Variants in GFPT2 observed in about 807,000 individuals in gnomAD.
The protein encoded by GFPT2 is glutamine--fructose-6-phosphate transaminase 2, also known as glutamine--fructose-6-phosphate aminotransferase [isomerizing] 2.
Under a neutral mutation model 85.6 loss-of-function variants are expected in GFPT2, and 62 were observed. The observed-to-expected ratio is 0.72, with a 90% confidence interval of 0.59 to 0.90. GFPT2 has a LOEUF of 0.90. Ranked by LOEUF, GFPT2 falls within the 40% of genes least tolerant of loss-of-function variation. The probability of loss-of-function intolerance (pLI) is 0.00; values close to 1 mark genes in which losing one functional copy is unlikely to be tolerated. For synonymous variants in GFPT2, 368 were observed against 344.5 expected (o/e 1.07, Z -0.75); for missense variants, 788 against 893.4 (o/e 0.88, Z 1.50).
At chr5:180,351,664 G>A (rs921492487) in intron 1 of GFPT2, among the ~76,000 whole-genome samples, 5 of 152,196 alleles carry the variant, frequency 3.3e-5, no homozygotes, top group African/African-American at 1.2e-4. Flanking sequence ...GAGACAACGC[G>A]TGTGTGTCCC....
intron 1 of GFPT2, among the ~76,000 whole-genome samples, chr5:180,341,003 G>C (rs1188899305): frequency 2.0e-5 from 3 of 152,130 alleles, no homozygotes; most frequent in Non-Finnish European, 4.4e-5. Context: ...CTGTGGGCCG[G>C]GCACTGGGCC....
intron 13 of GFPT2, among the ~76,000 whole-genome samples, chr5:180,315,233 A>T (rs191978034): frequency 0.014 from 2,125 of 150,052 alleles, 59 homozygotes; most frequent in African/African-American, 0.049. Context: ...GCTGGAGTGC[A>T]GTGGCGCGAT....
chr5:180,339,178 G>A (rs937965318), intron 1 of GFPT2, among the ~76,000 whole-genome samples: 3 of 152,030 alleles, frequency 2.0e-5, no homozygotes, highest in African/African-American at 7.2e-5. Context: ...TCAGGAGTTC[G>A]AGACCAGCCT....
chr5:180,319,007 A>T, intron 9 of GFPT2, 51 bp from the exon 10 acceptor site: 1 of 1,570,056 alleles, frequency 6.4e-7, no homozygotes, highest in South Asian at 1.1e-5. Context: ...AGCAGTTACG[A>T]GGCAGCAGCC....
intron 1 of GFPT2, among the ~76,000 whole-genome samples, chr5:180,349,179 T>C (rs1015724713): frequency 4.0e-5 from 6 of 151,170 alleles, no homozygotes; most frequent in African/African-American, 1.2e-4. Context: ...CAGTGGCTCA[T>C]GCCTGTAATC....
At position 180,330,248 on chromosome 5, in the gene GFPT2, G is replaced by A. The variant is rs932751648; in HGVS notation, c.534+452C>T. Reference sequence around the variant, plus strand: ...GAGGCAGGAGGACTGCCTGAACCTGGGAGGTGGAGGTTGCAGTGAGCCAAG... The same window carrying A: ...GAGGCAGGAGGACTGCCTGAACCTGAGAGGTGGAGGTTGCAGTGAGCCAAG... On this transcript the variant is annotated intron_variant, in intron 6 of 18. Transcript: ENST00000253778. This position sits in a 1 kb window ranked among gnomAD's most constrained non-coding sequence, Gnocchi z 4.4. 2.0e-5 allele frequency among the ~76,000 whole-genome samples: 3 copies of A among 152,144 alleles called. No homozygotes were observed. Among genetic ancestry groups the A allele is most frequent in the Admixed American group, 6.5e-5 (1 of 15,274 alleles).
intron 9 of GFPT2, among the ~76,000 whole-genome samples, chr5:180,321,180 T>C (rs1331451368): frequency 1.3e-5 from 2 of 151,236 alleles, no homozygotes; most frequent in African/African-American, 4.9e-5. Context: ...TGTATAGAAA[T>C]ATATTTTTTT....
At chr5:180,310,341 G>A (rs562572910) in intron 15 of GFPT2, among the ~76,000 whole-genome samples, 11 of 151,976 alleles carry the variant, frequency 7.2e-5, no homozygotes, top group African/African-American at 1.9e-4. Context: ...GACCTCAGGC[G>A]ATCTGCCCAC....
intron 4 of GFPT2, among the ~76,000 whole-genome samples, chr5:180,331,992 G>A (rs1169579099): frequency 7.2e-5 from 11 of 152,234 alleles, no homozygotes; most frequent in Non-Finnish European, 8.8e-5. Context: ...ACCGTGCTGT[G>A]TTTGACCCAC....
At position 180,316,802 on chromosome 5, in the gene GFPT2, C is replaced by G; in HGVS notation, c.1114G>C (p.Val372Leu). 1 of 1,614,040 alleles carries G rather than the reference C, an allele frequency of 6.2e-7. No homozygotes were observed. The highest frequency in any genetic ancestry group is 1.1e-5 in the South Asian group (1 of 91,074). Residue 372 changes from valine (V) to leucine (L), a missense_variant, in exon 12 of 19, where the codon GTG becomes CTG. Val to Leu is a conservative substitution (Grantham distance 32). Transcript: ENST00000253778. ...TGGTAGCTGGTTCCACAGCCAATCA[C>G]GATGAGCCGTCGGCATCGTCGAATC... ...KEIRRCRRLIVIGCGTSYHAA... is the reference protein window; with the variant it reads ...KEIRRCRRLILIGCGTSYHAA...
At chr5:180,306,289 T>C (rs1166988406) in intron 16 of GFPT2, among the ~76,000 whole-genome samples, 1 of 152,082 alleles carries the variant, frequency 6.6e-6, no homozygotes, top group Non-Finnish European at 1.5e-5. Context: ...CAGCCTAGCA[T>C]TGTCTTTCAA....
chr5:180,344,826 C>CT (rs144573999), intron 1 of GFPT2, among the ~76,000 whole-genome samples: 20,905 of 152,168 alleles, frequency 0.14, 1,792 homozygotes, highest in Non-Finnish European at 0.19. Flanking sequence ...GGCTGGTCCC[C>CT]TGTTCCACTC....
At chr5:180,336,857 C>T (rs1375671202) in intron 2 of GFPT2, among the ~76,000 whole-genome samples, 4 of 152,250 alleles carry the variant, frequency 2.6e-5, no homozygotes, top group South Asian at 4.1e-4. Flanking sequence ...CCGCTGCAGG[C>T]GCTCCCAGGC....
intron 10 of GFPT2, 22 bp from the exon 11 acceptor site, chr5:180,317,080 C>A (rs1200469071): frequency 2.8e-6 from 4 of 1,408,590 alleles, no homozygotes; most frequent in South Asian, 1.1e-5. Flanking sequence ...AACGTCTGGT[C>A]AGTTTTAATT....
intron 1 of GFPT2, chr5:180,352,835 T>C (rs886478996): frequency 3.7e-5 from 13 of 349,860 alleles, no homozygotes; most frequent in Non-Finnish European, 6.8e-5. Context: ...TGGCCGCCTT[T>C]GTGGGCGACT....
At chr5:180,301,709 T>C in intron 18 of GFPT2, 101 bp from the exon 19 acceptor site, 1 of 947,002 alleles carries the variant, frequency 1.1e-6, no homozygotes, top group Non-Finnish European at 1.7e-6. Flanking sequence ...GAGACAGATG[T>C]TCACCATGGT....
chr5:180,343,495 G>A (rs1053351877), intron 1 of GFPT2, among the ~76,000 whole-genome samples: 14 of 152,234 alleles, frequency 9.2e-5, no homozygotes, highest in South Asian at 2.1e-4. Flanking sequence ...CCATCTTGGC[G>A]CAAGAAAGCA....
rs1581375721 is a variant in GFPT2, at chr5:180,318,973, A to G, written c.795-17T>C. The G allele has an allele frequency of 6.2e-7, 1 of 1,609,544 alleles. No homozygotes were observed. Among genetic ancestry groups the G allele is most frequent in the Non-Finnish European group, 8.5e-7 (1 of 1,179,340 alleles). Reference sequence around the variant, plus strand: ...ATGATAGCGCTGGGGCAAGGGAAACAGGCATCATCAGTGCCCTGCCCTGAG... The same window carrying G: ...ATGATAGCGCTGGGGCAAGGGAAACGGGCATCATCAGTGCCCTGCCCTGAG... On this transcript the variant is annotated splice_polypyrimidine_tract_variant and intron_variant, in intron 9 of 18. Transcript: ENST00000253778. The surrounding 1 kb of genome is among the most constrained non-coding windows in gnomAD (Gnocchi z 4.2).
At chr5:180,349,560 G>A (rs751977008) in intron 1 of GFPT2, among the ~76,000 whole-genome samples, 1 of 152,062 alleles carries the variant, frequency 6.6e-6, no homozygotes, top group Non-Finnish European at 1.5e-5. Flanking sequence ...AGAGACTGGA[G>A]CGACACAGCC....
Sources: gnomAD v4.1 joint callset for allele counts (sites outside exome capture counted in the v4.1 genomes callset) on GRCh38, gnomAD v4.1.1 for gene constraint, Gnocchi (gnomAD v3.1) non-coding constraint, MANE v1.5 for transcripts, NCBI Gene and HGNC (gene_info 2026-07-23, HGNC 2026-07-21) for gene names.